IL16: variants seen among roughly 807,000 people sequenced by gnomAD.
IL16 encodes pro-interleukin-16.
In IL16, 67 loss-of-function variants were observed where a neutral mutation model predicts 110.1. The observed-to-expected ratio is 0.61, with a 90% CI of 0.50 to 0.75. The LOEUF is 0.75. IL16 is among the 30% of genes least tolerant of loss of function. The pLI is 0.00. For synonymous variants in IL16, 689 were observed against 662.9 expected, an observed-to-expected ratio of 1.04 and a Z score of -0.61; for missense variants, 1,545 against 1,655.0, an observed-to-expected ratio of 0.93 and a Z score of 1.15.
rs34522610 is a variant in IL16, at chr15:81,303,015, A to ATGTGTGTGTGTGTGTGTGTGTGTGTGTG, written c.3319-532_3319-505dup. ...GTCTAGGCTAGGAAGTACCGTAGTAATGTGTGTGTGTGTGTGTGTGTGTGT... is the reference window on the plus strand; with the variant it reads ...GTCTAGGCTAGGAAGTACCGTAGTAATGTGTGTGTGTGTGTGTGTGTGTGTGTGTGTGTGTGTGTGTGTGTGTGTGTGT... On this transcript the variant is annotated intron_variant, in intron 15 of 18. Transcript: ENST00000683961. The surrounding 1 kb of genome is among the most constrained non-coding windows in gnomAD (Gnocchi z 4.1). 1.9e-4 allele frequency among the ~76,000 whole-genome samples: 28 copies of ATGTGTGTGTGTGTGTGTGTGTGTGTGTG among 150,144 alleles called. No homozygotes were observed. The highest frequency in any genetic ancestry group is 6.6e-4 in the African/African-American group (27 of 40,680).
chr15:81,308,982 T>G lies in IL16; in HGVS notation c.*184T>G. ...ACCCAGCAAAAGGTTGTTCCTAAAA[T>G]AAGGGCAGAGTCACACGGGGGCAGC... On this transcript the variant is annotated 3_prime_UTR_variant, in exon 19 of 19. Transcript: ENST00000683961. 1.9e-6 allele frequency: 1 copy of G among 514,426 alleles called. No individual in the cohort carries two copies. Among genetic ancestry groups the G allele is most frequent in the Non-Finnish European group, 3.4e-6 (1 of 291,658 alleles). 31.9% of individuals were successfully genotyped at this position (514,426 alleles called of 1,614,324 possible). A position where few individuals can be genotyped will look rare whatever the true frequency, so the allele number is the denominator to read the frequency against.
chr15:81,265,109 A>G (rs1440929896), intron 3 of IL16, among the ~76,000 whole-genome samples: 2 of 152,076 alleles, frequency 1.3e-5, no homozygotes, highest in African/African-American at 4.8e-5. Context: ...TCCACAAAGT[A>G]GAGGAAGCCT....
chr15:81,193,926 A>T (rs1305461708), upstream of IL16, among the ~76,000 whole-genome samples: 1 of 152,212 alleles, frequency 6.6e-6, no homozygotes, highest in African/African-American at 2.4e-5. Flanking sequence ...TTACATTACT[A>T]GTTAAAATTG....
intron 11 of IL16, among the ~76,000 whole-genome samples, chr15:81,291,066 A>G (rs1217486591): frequency 6.6e-6 from 1 of 152,222 alleles, no homozygotes; most frequent in Non-Finnish European, 1.5e-5. Context: ...AAGTCATACC[A>G]CTAGAGCACA....
At chr15:81,289,095 T>A (rs958019118) in intron 10 of IL16, among the ~76,000 whole-genome samples, 8 of 152,146 alleles carry the variant, frequency 5.3e-5, no homozygotes, top group African/African-American at 1.7e-4. Flanking sequence ...TACATTCTTA[T>A]CAACAGAGCC....
In IL16 at chr15:81,291,022, G is replaced by C. The variant is rs7171311; in HGVS notation, c.1420+482G>C. On this transcript the variant is annotated intron_variant, in intron 11 of 18. Transcript: ENST00000683961. Reference sequence around the variant, plus strand: ...CATAATTTTTATGCAAATTTTATAAGAAAAAGTGAGGCCCTCAGAGACTCT... The same window carrying C: ...CATAATTTTTATGCAAATTTTATAACAAAAAGTGAGGCCCTCAGAGACTCT... Among the ~76,000 whole-genome samples, 905 of 152,196 alleles carry C rather than the reference G, an allele frequency of 5.9e-3. 4 individuals carry two copies. Among genetic ancestry groups the C allele is most frequent in the Middle Eastern group, 0.017 (5 of 294 alleles).
chr15:81,284,923 C>T (rs936593303), intron 9 of IL16, among the ~76,000 whole-genome samples: 1 of 152,118 alleles, frequency 6.6e-6, no homozygotes, highest in African/African-American at 2.4e-5. Flanking sequence ...AAAATATTTA[C>T]TCTCTGGCCC....
intron 2 of IL16, among the ~76,000 whole-genome samples, chr15:81,230,647 G>A (rs2142057696): frequency 6.6e-6 from 1 of 152,168 alleles, no homozygotes; most frequent in South Asian, 2.1e-4. Flanking sequence ...GAGTAGTGGG[G>A]GAATTATATC....
intron 1 of IL16, among the ~76,000 whole-genome samples, chr15:81,186,356 G>C (rs1328687523): frequency 6.6e-6 from 1 of 152,202 alleles, no homozygotes; most frequent in East Asian, 1.9e-4. Flanking sequence ...TAACCAGGTG[G>C]TGAGTGGCAG....
chr15:81,259,826 A>G lies in IL16; in HGVS notation c.367A>G (p.Ser123Gly). Residue 123 changes from serine (S) to glycine (G), a missense_variant, in exon 3 of 19, where the codon AGT becomes GGT. Around this residue, in one of 3 missense-constraint regions of IL16, gnomAD observed 1,185 missense variants for 1,238.8 expected, o/e 0.96. Coordinates refer to ENST00000683961, the MANE Select transcript of IL16 (RefSeq NM_172217.5). ...EKPGKLEAQS[S>G]NFLFPKACHQ... is the part of the protein sequence containing the mutation. Reference sequence around the variant, plus strand: ...GCCTGGAAAACTAGAAGCACAAAGTAGTAACTTCCTGTTTCCTAAAGCCTG... The same window carrying G: ...GCCTGGAAAACTAGAAGCACAAAGTGGTAACTTCCTGTTTCCTAAAGCCTG... The G allele has an allele frequency of 6.2e-7, 1 of 1,614,066 alleles. No individual in the cohort carries two copies. Among genetic ancestry groups the G allele is most frequent in the Non-Finnish European group, 8.5e-7 (1 of 1,179,940 alleles).
intron 2 of IL16, among the ~76,000 whole-genome samples, chr15:81,246,375 TTCTC>T (rs1206873856): frequency 6.6e-6 from 1 of 152,206 alleles, no homozygotes; most frequent in African/African-American, 2.4e-5. Context: ...TACTTTTCTA[TTCTC>T]TCTTTCTTTT....
chr15:81,289,685 C>A (rs757162633), intron 10 of IL16, among the ~76,000 whole-genome samples: 1 of 152,116 alleles, frequency 6.6e-6, no homozygotes, highest in Non-Finnish European at 1.5e-5. Flanking sequence ...TGCAACTCAA[C>A]TATTTATCTG....
At chr15:81,182,804 C>T in exon 1 of IL16, 1 of 1,213,406 alleles carries the variant, frequency 8.2e-7, no homozygotes, top group Non-Finnish European at 1.1e-6. Flanking sequence ...ACCCCTGATC[C>T]TGGTTTGGAG....
At chr15:81,205,742 C>T (rs1260401773) in intron 1 of IL16, among the ~76,000 whole-genome samples, 1 of 152,084 alleles carries the variant, frequency 6.6e-6, no homozygotes, top group Non-Finnish European at 1.5e-5. Flanking sequence ...CAAACTCTCT[C>T]TCCCCAGTCC....
At chr15:81,220,155 G>A (rs1052744962) in intron 1 of IL16, among the ~76,000 whole-genome samples, 1 of 151,786 alleles carries the variant, frequency 6.6e-6, no homozygotes, top group African/African-American at 2.4e-5. Flanking sequence ...CTTTTTTTTC[G>A]AGACAGGGTC....
In IL16 at chr15:81,310,428, T is replaced by C. The variant is rs2141658806; in HGVS notation, c.*1630T>C. 6.6e-6 allele frequency: 1 copy of C among 152,354 alleles called. No homozygotes were observed. Among genetic ancestry groups the C allele is most frequent in the South Asian group, 2.1e-4 (1 of 4,832 alleles). 9.4% of individuals were successfully genotyped at this position (152,354 alleles called of 1,614,324 possible). A position where few individuals can be genotyped will look rare whatever the true frequency, so the allele number is the denominator to read the frequency against. On this transcript the variant is annotated 3_prime_UTR_variant, in exon 19 of 19. Coordinates refer to ENST00000683961, the MANE Select transcript of IL16 (RefSeq NM_172217.5). ...GGAATAATGGGCTTAGAGCAGTTTC[T>C]GTCCTGCTGGTTAACTTGTTTGGCC...
intron 2 of IL16, among the ~76,000 whole-genome samples, chr15:81,243,161 A>ATTTTTTTTTTTTTTTTTTTTT (rs1449318741): frequency 3.6e-5 from 1 of 27,790 alleles, no homozygotes; most frequent in Non-Finnish European, 7.2e-5. Flanking sequence ...ATATATATAT[A>ATTTTTTTTTTTTTTTTTTTTT]TATTTTTTTT....
chr15:81,192,579 G>T (rs1595932870), upstream of IL16, among the ~76,000 whole-genome samples: 1 of 152,208 alleles, frequency 6.6e-6, no homozygotes, highest in African/African-American at 2.4e-5. Context: ...CTACCCTGCA[G>T]CCTGGGCCAC....
intron 2 of IL16, among the ~76,000 whole-genome samples, chr15:81,256,409 C>G (rs532944159): frequency 4.1e-4 from 61 of 149,486 alleles, no homozygotes; most frequent in Admixed American, 5.3e-4. Flanking sequence ...TCTTGGTTCA[C>G]TGCAACCTCT....
Sources: allele counts gnomAD v4.1 joint callset (sites outside exome capture counted in the v4.1 genomes callset), GRCh38; gene constraint gnomAD v4.1.1; regional missense constraint gnomAD v4.1.1; non-coding constraint Gnocchi (gnomAD v3.1); transcripts MANE v1.5; gene names NCBI Gene and HGNC (gene_info 2026-07-23, HGNC 2026-07-21).